Variants in LINGO1 observed in about 807,000 individuals in gnomAD.
LINGO1 encodes leucine-rich repeat and immunoglobulin-like domain-containing nogo receptor-interacting protein 1.
Under a neutral mutation model 37.3 loss-of-function variants are expected in LINGO1, and 11 were observed. That is an observed-to-expected ratio of 0.29 (90% CI 0.19 to 0.49). The LOEUF is 0.49. Among genes scored for constraint, LINGO1 ranks in the 20% least tolerant of loss-of-function variants. The probability of loss-of-function intolerance (pLI) is 0.99; values close to 1 mark genes in which losing one functional copy is unlikely to be tolerated. For missense variants in LINGO1, 585 were observed against 878.2 expected, an observed-to-expected ratio of 0.67 and a Z score of 4.22; for synonymous variants, 387 against 403.0, an observed-to-expected ratio of 0.96 and a Z score of 0.48.
At chr15:77,750,151 C>A (rs2076356856) in intron 1 of LINGO1, among the ~76,000 whole-genome samples, 1 of 152,138 alleles carries the variant, frequency 6.6e-6, no homozygotes, top group Non-Finnish European at 1.5e-5. Context: ...CCGAGACAGC[C>A]TTGCCAATGG....
At chr15:77,664,174 C>CGCGCGCGCGT (rs1555527601) in intron 3 of LINGO1, among the ~76,000 whole-genome samples, 1,330 of 100,418 alleles carry the variant, frequency 0.013, 43 homozygotes, top group African/African-American at 0.047. Context: ...TGTGTGTGCG[C>CGCGCGCGCGT]GCGCGCATGC....
intron 2 of LINGO1, among the ~76,000 whole-genome samples, chr15:77,688,639 G>T (rs1029532039): frequency 1.3e-5 from 2 of 152,222 alleles, no homozygotes; most frequent in African/African-American, 4.8e-5. Context: ...TTTGGCTGCA[G>T]TCGGCACTGA....
At position 77,613,924 on chromosome 15, in the gene LINGO1, A is replaced by G. The variant is rs1219114659; in HGVS notation, c.*120T>C. On this transcript the variant is annotated 3_prime_UTR_variant, in exon 2 of 2. Transcript: ENST00000355300. ...GCAGCAGGGGACGGAGGCGGGAGGG[A>G]GAAAGAGAACGTGTGTAGAAGGGTA... 9.6e-6 allele frequency: 8 copies of G among 830,378 alleles called. No homozygotes were observed. Among genetic ancestry groups the G allele is most frequent in the African/African-American group, 8.6e-5 (5 of 57,924 alleles). The allele number at this position is 830,378 out of a possible 1,614,324, so 51.4% of individuals were successfully genotyped here.
At chr15:77,805,693 T>C (rs1269187013) in intron 1 of LINGO1, among the ~76,000 whole-genome samples, 9 of 152,116 alleles carry the variant, frequency 5.9e-5, no homozygotes, top group Non-Finnish European at 1.2e-4. Flanking sequence ...CCACCCCATA[T>C]TGCATCACAC....
chr15:77,783,893 C>T (rs1256917038), intron 1 of LINGO1, among the ~76,000 whole-genome samples: 2 of 152,204 alleles, frequency 1.3e-5, no homozygotes, highest in Non-Finnish European at 2.9e-5. Flanking sequence ...AGCCTTTCTC[C>T]GTTTGCACCT....
chr15:77,673,945 T>C (rs1473776400), intron 3 of LINGO1, among the ~76,000 whole-genome samples: 1 of 152,102 alleles, frequency 6.6e-6, no homozygotes, highest in Non-Finnish European at 1.5e-5. Flanking sequence ...ATTCTTAATT[T>C]TTTTTTAGCA....
In LINGO1 at chr15:77,614,857, C is replaced by T. The variant is rs2142478022; in HGVS notation, c.1050G>A (p.Leu350=). 1 of 1,613,848 alleles carries T rather than the reference C, an allele frequency of 6.2e-7. No homozygotes were observed. The highest frequency in any genetic ancestry group is 2.2e-5 in the East Asian group (1 of 44,878). ...CCACCGAGTGGAAGACTGATTCCTC[C>T]AGTGTGGTCAGCTGGTTGCCAGAGA... ...LNVSGNQLTT[L]EESVFHSVGN... is the part of the protein sequence containing the mutation. Residue 350 remains leucine (L), a synonymous_variant, in exon 2 of 2, where the codon CTG becomes CTA. Coordinates refer to ENST00000355300, the MANE Select transcript of LINGO1 (RefSeq NM_032808.7).
chr15:77,702,526 C>T (rs1389718594), intron 2 of LINGO1, among the ~76,000 whole-genome samples: 1 of 152,178 alleles, frequency 6.6e-6, no homozygotes, highest in African/African-American at 2.4e-5. Flanking sequence ...GCTGCATGCT[C>T]AGCACAACAT....
intron 1 of LINGO1, among the ~76,000 whole-genome samples, chr15:77,779,039 G>A (rs1291542966): frequency 1.3e-5 from 2 of 151,860 alleles, no homozygotes; most frequent in East Asian, 3.9e-4. Context: ...CCAGGCACAC[G>A]CCCACCTGGA....
At chr15:77,679,791 C>T (rs911932644) in intron 2 of LINGO1, among the ~76,000 whole-genome samples, 2 of 152,318 alleles carry the variant, frequency 1.3e-5, no homozygotes, top group African/African-American at 4.8e-5. Context: ...CACTAGAATC[C>T]ATCCTCTTCT....
chr15:77,668,477 C>A (rs139247431), intron 3 of LINGO1, among the ~76,000 whole-genome samples: 4 of 152,176 alleles, frequency 2.6e-5, no homozygotes, highest in African/African-American at 9.7e-5. Flanking sequence ...TCACGCAGGG[C>A]AGCCCTTCAT....
chr15:77,685,932 C>T (rs1427502051), intron 2 of LINGO1, among the ~76,000 whole-genome samples: 1 of 152,158 alleles, frequency 6.6e-6, no homozygotes, highest in Admixed American at 6.5e-5. Flanking sequence ...GGAGGCAGAG[C>T]CCCACGATCC....
intron 3 of LINGO1, among the ~76,000 whole-genome samples, chr15:77,663,373 T>A (rs2075041181): frequency 6.6e-6 from 1 of 152,054 alleles, no homozygotes; most frequent in Non-Finnish European, 1.5e-5. Context: ...TAGGGCCTGG[T>A]TCAGGCAGGA....
In LINGO1 at chr15:77,614,993, G is replaced by A. The variant is rs1198320993; in HGVS notation, c.914C>T (p.Ser305Phe). 2 of 1,614,028 alleles carry A rather than the reference G, an allele frequency of 1.2e-6. No individual in the cohort carries two copies. Among genetic ancestry groups the A allele is most frequent in the Non-Finnish European group, 8.5e-7 (1 of 1,179,892 alleles). The change falls in exon 2 of 2, where the codon TCC (serine) becomes TTC (phenylalanine). Residue 305 changes from serine to phenylalanine, a missense_variant. By Grantham distance (155) the Ser-to-Phe change is radical. Coordinates refer to ENST00000355300, the MANE Select transcript of LINGO1 (RefSeq NM_032808.7). ...CAGCCGGAGCAGCTCATGCAACATG[G>A]AGCCCTCAATGGTGCTGATGGGGTT... is the stretch of plus-strand genomic sequence containing the variant. ...SYNPISTIEG[S>F]MLHELLRLQE...
At chr15:77,628,083 G>A (rs1177705292) in intron 1 of LINGO1, among the ~76,000 whole-genome samples, 4 of 152,200 alleles carry the variant, frequency 2.6e-5, no homozygotes, top group African/African-American at 9.7e-5. Context: ...AGGATGGGGT[G>A]CAATGGGGAC....
chr15:77,731,723 A>G (rs948254302), intron 2 of LINGO1, among the ~76,000 whole-genome samples: 2 of 151,732 alleles, frequency 1.3e-5, no homozygotes, highest in African/African-American at 4.8e-5. Flanking sequence ...CAGCCTCCTT[A>G]TTTCCTCTAG....
upstream of LINGO1, among the ~76,000 whole-genome samples, chr15:77,697,694 C>T (rs1021802140): frequency 6.6e-6 from 1 of 152,160 alleles, no homozygotes; most frequent in Non-Finnish European, 1.5e-5. Flanking sequence ...GATGACAACT[C>T]GGGTGCTGTG....
chr15:77,691,970 G>A (rs906051397), intron 1 of LINGO1, among the ~76,000 whole-genome samples: 2 of 152,154 alleles, frequency 1.3e-5, no homozygotes, highest in Admixed American at 6.5e-5. Context: ...AGGAGGAGCG[G>A]GTGTTCAGAG....
chr15:77,614,392 G>A lies in LINGO1; in HGVS notation c.1515C>T (p.Asn505=), dbSNP rs370993163. 117 of 1,613,260 alleles carry A rather than the reference G, an allele frequency of 7.3e-5. No individual in the cohort carries two copies. The highest frequency in any genetic ancestry group is 9.3e-5 in the African/African-American group (7 of 74,954). Reference sequence around the variant, plus strand: ...CATGCAGGTGGGCGGGCATGGAGTCGTTGCCGCCCGCGTTGGCCGCGATGC... The same window carrying A: ...CATGCAGGTGGGCGGGCATGGAGTCATTGCCGCCCGCGTTGGCCGCGATGC... ...YLCIAANAGG[N]DSMPAHLHVR... is the part of the protein sequence containing the mutation. The change falls in exon 2 of 2, where the codon AAC becomes AAT. Residue 505 remains asparagine, a synonymous_variant. Coordinates refer to ENST00000355300, the MANE Select transcript of LINGO1 (RefSeq NM_032808.7).
Sources: gnomAD v4.1 joint callset for allele counts (sites outside exome capture counted in the v4.1 genomes callset) on GRCh38, gnomAD v4.1.1 for gene constraint, MANE v1.5 for transcripts, NCBI Gene and HGNC (gene_info 2026-07-23, HGNC 2026-07-21) for gene names.